Variants in ACTR3C observed in about 807,000 individuals in gnomAD.
The protein encoded by ACTR3C is actin related protein 3C.
ACTR3C carries 18 observed loss-of-function variants against 26.3 expected under a neutral mutation model. The ratio of observed to expected loss-of-function variants is 0.68; its 90% CI spans 0.47 to 1.01. ACTR3C has a LOEUF of 1.01. Ranked by LOEUF, ACTR3C falls within the 50% of genes least tolerant of loss-of-function variation. ACTR3C has a pLI of 0.00. For missense variants in ACTR3C, 184 were observed against 250.7 expected (o/e 0.73, Z 1.80); for synonymous variants, 55 against 94.5 (o/e 0.58, Z 2.42).
chr7:150,277,760 G>T (rs930864168), intron 6 of ACTR3C, among the ~76,000 whole-genome samples: 1 of 151,942 alleles, frequency 6.6e-6, no homozygotes, highest in African/African-American at 2.4e-5. Context: ...CTTCCTCCAT[G>T]AGCCACCTAC....
the ACTR3C span, among the ~76,000 whole-genome samples, chr7:150,132,153 G>T: frequency 6.6e-6 from 1 of 152,168 alleles, no homozygotes; most frequent in African/African-American, 2.4e-5. Context: ...GTATGATGGA[G>T]TGGTGGTAGG....
chr7:150,010,822 G>A, the ACTR3C span, among the ~76,000 whole-genome samples: 2 of 148,844 alleles, frequency 1.3e-5, no homozygotes, highest in Admixed American at 1.3e-4. Flanking sequence ...GGCAGCAGAT[G>A]GAACAGAATG....
chr7:150,293,006 G>T (rs1322134773), intron 3 of ACTR3C, among the ~76,000 whole-genome samples: 1 of 152,136 alleles, frequency 6.6e-6, no homozygotes, highest in African/African-American at 2.4e-5. Flanking sequence ...ATCAAGCAGA[G>T]GCTCTGAAGA....
chr7:149,915,519 T>TTTTTTTTTG, the ACTR3C span, among the ~76,000 whole-genome samples: 14 of 151,374 alleles, frequency 9.2e-5, no homozygotes, highest in East Asian at 2.0e-4. Context: ...TCCATTTTGT[T>TTTTTTTTTG]TTTTTTGTTT....
the ACTR3C span, among the ~76,000 whole-genome samples, chr7:150,042,459 C>T: frequency 6.9e-6 from 1 of 144,238 alleles, no homozygotes. Flanking sequence ...TGCAAAGAGC[C>T]AGGGGAGGAA....
chr7:150,272,070 A>G (rs1489144400), intron 6 of ACTR3C, among the ~76,000 whole-genome samples: 15 of 146,402 alleles, frequency 1.0e-4, no homozygotes, highest in Middle Eastern at 3.4e-3. Flanking sequence ...AATAAATTAG[A>G]GAGCAAACCA....
chr7:150,198,257 G>A, the ACTR3C span, among the ~76,000 whole-genome samples: 15 of 149,244 alleles, frequency 1.0e-4, no homozygotes, highest in Non-Finnish European at 3.0e-5. Context: ...GCCTCTGCCC[G>A]GCCGCCACCC....
chr7:150,041,173 G>A, the ACTR3C span, among the ~76,000 whole-genome samples: 10 of 150,360 alleles, frequency 6.7e-5, no homozygotes, highest in Non-Finnish European at 1.2e-4. Context: ...ACTTGCTGTT[G>A]TTGGGATCCC....
the ACTR3C span, among the ~76,000 whole-genome samples, chr7:149,983,449 G>GTGTGTGTGTGTGTGTATATATATATATA: frequency 4.3e-5 from 1 of 23,324 alleles, no homozygotes; most frequent in African/African-American, 1.5e-4. Context: ...GTGTGTGTGT[G>GTGTGTGTGTGTGTGTATATATATATATA]TATATATATA....
At chr7:150,305,273 C>G (rs1055220555) in intron 1 of ACTR3C, among the ~76,000 whole-genome samples, 4 of 152,154 alleles carry the variant, frequency 2.6e-5, no homozygotes, top group Non-Finnish European at 5.9e-5. Flanking sequence ...TATCTCCTTA[C>G]ATAATTTTAA....
chr7:150,059,872 G>A, the ACTR3C span, among the ~76,000 whole-genome samples: 13 of 152,262 alleles, frequency 8.5e-5, no homozygotes, highest in East Asian at 1.7e-3. Context: ...CATGTAGCAC[G>A]CAGGCTAAGT....
At chr7:149,884,773 G>A in the ACTR3C span, among the ~76,000 whole-genome samples, 5 of 152,284 alleles carry the variant, frequency 3.3e-5, no homozygotes, top group South Asian at 2.1e-4. Flanking sequence ...ATCATGCGCC[G>A]GGTGCAGCCT....
the ACTR3C span, among the ~76,000 whole-genome samples, chr7:150,120,782 A>G: frequency 6.6e-6 from 1 of 152,178 alleles, no homozygotes; most frequent in Non-Finnish European, 1.5e-5. Flanking sequence ...AGACACAACT[A>G]AAAAAGAAAA....
chr7:150,227,693 TTTTTTTTG>T, the ACTR3C span, among the ~76,000 whole-genome samples: 443 of 140,172 alleles, frequency 3.2e-3, 16 homozygotes, highest in African/African-American at 0.012. Context: ...TCTGGGTTTT[TTTTTTTTG>T]TTTTTTTTTT....
the ACTR3C span, among the ~76,000 whole-genome samples, chr7:149,903,617 C>A: frequency 6.6e-6 from 1 of 151,918 alleles, no homozygotes; most frequent in East Asian, 1.9e-4. Flanking sequence ...TCACAACTCA[C>A]TCCAGCCTCG....
the ACTR3C span, among the ~76,000 whole-genome samples, chr7:150,220,423 C>A: frequency 6.8e-6 from 1 of 146,046 alleles, no homozygotes; most frequent in Non-Finnish European, 1.5e-5. Flanking sequence ...CTTCTGCAGC[C>A]GAGTCTGGGC....
At chr7:150,080,880 T>C in the ACTR3C span, among the ~76,000 whole-genome samples, 6 of 152,214 alleles carry the variant, frequency 3.9e-5, no homozygotes, top group African/African-American at 1.4e-4. Context: ...GGGGCATAAG[T>C]GCAGAAGAAC....
At chr7:150,220,249 T>C in the ACTR3C span, among the ~76,000 whole-genome samples, 1 of 148,234 alleles carries the variant, frequency 6.7e-6, no homozygotes, top group Non-Finnish European at 1.5e-5. Flanking sequence ...TCTTACCTTG[T>C]GGCCTTTCCC....
chr7:150,136,762 G>A, the ACTR3C span, among the ~76,000 whole-genome samples: 1 of 152,154 alleles, frequency 6.6e-6, no homozygotes, highest in Non-Finnish European at 1.5e-5. Context: ...CTGATGCTGT[G>A]TCCTCATCAG....
Sources: gnomAD v4.1 joint callset for allele counts (sites outside exome capture counted in the v4.1 genomes callset) on GRCh38, gnomAD v4.1.1 for gene constraint, MANE v1.5 for transcripts, NCBI Gene and HGNC (gene_info 2026-07-23, HGNC 2026-07-21) for gene names.